Variants in ASTN2 observed in about 807,000 individuals in gnomAD.
The protein encoded by ASTN2 is astrotactin-2.
ASTN2 carries 54 observed loss-of-function variants against 139.8 expected under a neutral mutation model. That is an observed-to-expected ratio of 0.39 (90% confidence interval 0.31 to 0.48). The LOEUF is 0.48. Ranked by LOEUF, ASTN2 falls within the 20% of genes least tolerant of loss-of-function variation. The pLI is 0.95. For synonymous variants in ASTN2, 756 were observed against 719.5 expected (o/e 1.05, Z -0.81); for missense variants, 1,565 against 1,725.1 (o/e 0.91, Z 1.64).
At chr9:117,048,377 G>A (rs375647660) in intron 5 of ASTN2, among the ~76,000 whole-genome samples, 18 of 152,128 alleles carry the variant, frequency 1.2e-4, no homozygotes, top group African/African-American at 4.3e-4. Context: ...AAAATACTAT[G>A]GGCCTGAAGC....
chr9:116,708,554 C>T (rs764793120), intron 16 of ASTN2, among the ~76,000 whole-genome samples: 1 of 152,120 alleles, frequency 6.6e-6, no homozygotes, highest in Non-Finnish European at 1.5e-5. Context: ...CTGATCACAT[C>T]ATCCTCCAAG....
chr9:117,129,503 CTTCTT>C (rs1483398492), intron 4 of ASTN2, among the ~76,000 whole-genome samples: 1 of 152,158 alleles, frequency 6.6e-6, no homozygotes, highest in Admixed American at 6.5e-5. Context: ...GAATTTCTCT[CTTCTT>C]AAGAAAATTT....
In ASTN2 at chr9:117,096,053, G is replaced by A. The variant is rs949313564; in HGVS notation, c.1267C>T (p.Arg423Cys). Reference protein sequence around the residue: ...FYTEQYRSRRRSKGLLKSPVN... With the variant: ...FYTEQYRSRRCSKGLLKSPVN... ...CCAAGGACACTATTACCTTTGCTGCGGCGGCGACTGCGGTACTGCTCCGTG... is the reference window on the plus strand; with the variant it reads ...CCAAGGACACTATTACCTTTGCTGCAGCGGCGACTGCGGTACTGCTCCGTG... The change falls in exon 5 of 23, where the codon CGC becomes TGC. Residue 423 changes from arginine to cysteine, a missense_variant. Transcript: ENST00000313400. 17 of 1,613,616 alleles carry A rather than the reference G, an allele frequency of 1.1e-5. No individual in the cohort carries two copies. In the Middle Eastern group the frequency reaches 4.9e-4, roughly 47 times the overall value.
At chr9:116,496,016 G>A (rs539626357) in intron 19 of ASTN2, among the ~76,000 whole-genome samples, 58 of 152,142 alleles carry the variant, frequency 3.8e-4, no homozygotes, top group African/African-American at 1.2e-3. Flanking sequence ...TCCCCTTGTC[G>A]TTGTATGGCT....
At position 117,095,197 on chromosome 9, in the gene ASTN2, G is replaced by T. The variant is rs565549124; in HGVS notation, c.1276+847C>A. On this transcript the variant is annotated intron_variant, in intron 5 of 22. Coordinates refer to ENST00000313400, the MANE Select transcript of ASTN2 (RefSeq NM_001365068.1). ...TATCACTGGCATGGAATCCATGTTT[G>T]TACCCCAGGAGAGTCTCTTCCAAGA... is the stretch of plus-strand genomic sequence containing the variant. Among the ~76,000 whole-genome samples, 9 of 152,292 alleles carry T rather than the reference G, an allele frequency of 5.9e-5. No individual in the cohort carries two copies. The East Asian group carries it at 1.7e-3, about 29-fold the overall frequency.
At chr9:117,322,064 T>TCTCC (rs1230094087) in intron 1 of ASTN2, among the ~76,000 whole-genome samples, 8 of 152,082 alleles carry the variant, frequency 5.3e-5, no homozygotes, top group Admixed American at 5.2e-4. Flanking sequence ...TTTGGAATCT[T>TCTCC]CTCCCTCCCT....
chr9:116,936,719 C>A (rs1016553913), intron 10 of ASTN2, among the ~76,000 whole-genome samples: 1 of 152,200 alleles, frequency 6.6e-6, no homozygotes, highest in African/African-American at 2.4e-5. Context: ...AATCTTTTCA[C>A]CTTGTCTAAT....
chr9:117,199,611 T>G (rs1345960091), intron 3 of ASTN2, among the ~76,000 whole-genome samples: 2 of 151,580 alleles, frequency 1.3e-5, no homozygotes, highest in Non-Finnish European at 2.9e-5. Context: ...CTACATGGGT[T>G]CTTCTTTGAC....
chr9:116,698,898 C>G lies in ASTN2; in HGVS notation c.2806+26873G>C, dbSNP rs1409379744. 1.2e-6 allele frequency: 2 copies of G among 1,614,244 alleles called. No homozygotes were observed. The highest frequency in any genetic ancestry group is 1.7e-6 in the Non-Finnish European group (2 of 1,180,048). On this transcript the variant is annotated intron_variant, in intron 16 of 22. Transcript: ENST00000313400. The surrounding 1 kb of genome is among the most constrained non-coding windows in gnomAD (Gnocchi z 4.4). The stretch of plus-strand genomic sequence containing the variant: ...CTACGTGACCAGTCAAGGTGAAGTA[C>G]TAGTCGCTGACCGTGGTAACTATCG...
intron 4 of ASTN2, among the ~76,000 whole-genome samples, chr9:117,127,657 T>G (rs997713182): frequency 6.8e-6 from 1 of 147,910 alleles, no homozygotes; most frequent in Non-Finnish European, 1.5e-5. Context: ...AAGTTAGGGT[T>G]TTTTTTTTGT....
rs139843993 is a variant in ASTN2, at chr9:116,496,217, TGTGA to T, written c.3356-8721_3356-8718del. On this transcript the variant is annotated intron_variant, in intron 19 of 22. Transcript: ENST00000313400. ...TGCCTGTATCCCCTGCTGTAAACCC[TGTGA>T]GTAAGAGAATTTGTTCACTTAGAAT... Among the ~76,000 whole-genome samples the T allele has an allele frequency of 8.7e-3, 1,320 of 152,316 alleles. 25 individuals carry two copies. Among genetic ancestry groups the T allele is most frequent in the African/African-American group, 0.03 (1,259 of 41,560 alleles).
At position 116,439,679 on chromosome 9, in the gene ASTN2, C is replaced by A. The variant is rs113603239; in HGVS notation, c.3782+930G>T. ...ATTCCGTCAGGTAGTCTCTCTGCTC[C>A]AAATACCCATCCTTTTCCCCCACAA... On this transcript the variant is annotated intron_variant, in intron 22 of 22. Transcript: ENST00000313400. Among the ~76,000 whole-genome samples, 453 of 152,246 alleles carry A rather than the reference C, an allele frequency of 3.0e-3. 4 individuals carry two copies. The highest frequency in any genetic ancestry group is 0.01 in the African/African-American group (426 of 41,552).
intron 5 of ASTN2, among the ~76,000 whole-genome samples, chr9:117,054,261 T>C (rs573105987): frequency 1.3e-4 from 20 of 152,308 alleles, no homozygotes; most frequent in African/African-American, 4.3e-4. Context: ...CTGAAGGCTG[T>C]GCTAAGAGGA....
chr9:117,381,550 C>T (rs1056205505), intron 1 of ASTN2, among the ~76,000 whole-genome samples: 12 of 152,096 alleles, frequency 7.9e-5, no homozygotes, highest in African/African-American at 7.2e-5. Flanking sequence ...CCCATTTTCT[C>T]TCTTGCTCCT....
At chr9:117,055,718 G>C (rs1839039625) in intron 5 of ASTN2, among the ~76,000 whole-genome samples, 1 of 152,218 alleles carries the variant, frequency 6.6e-6, no homozygotes, top group Non-Finnish European at 1.5e-5. Context: ...CATGTCACCT[G>C]AAATGAAAGA....
chr9:117,128,928 A>C (rs1829765833), intron 4 of ASTN2, among the ~76,000 whole-genome samples: 1 of 152,184 alleles, frequency 6.6e-6, no homozygotes. Context: ...CATGAGACTT[A>C]TTCGCTCCCA....
chr9:116,836,186 C>G lies in ASTN2; in HGVS notation c.2041-15403G>C, dbSNP rs114461464. Reference sequence around the variant, plus strand: ...TAGGTATGTCTAGTCACTGTTCCCCCCTTAATCTCCACTAACACCACACTG... The same window carrying G: ...TAGGTATGTCTAGTCACTGTTCCCCGCTTAATCTCCACTAACACCACACTG... On this transcript the variant is annotated intron_variant, in intron 11 of 22. Coordinates refer to ENST00000313400, the MANE Select transcript of ASTN2 (RefSeq NM_001365068.1). Among the ~76,000 whole-genome samples the G allele has an allele frequency of 6.0e-3, 919 of 152,214 alleles. 7 individuals are homozygous for G. The highest frequency in any genetic ancestry group is 0.021 in the African/African-American group (863 of 41,536).
At chr9:116,534,781 C>A (rs1851535944) in intron 19 of ASTN2, among the ~76,000 whole-genome samples, 1 of 152,080 alleles carries the variant, frequency 6.6e-6, no homozygotes, top group East Asian at 1.9e-4. Flanking sequence ...TTACTTCCAA[C>A]TATGTGGTCA....
chr9:116,740,451 A>T (rs979952928), intron 13 of ASTN2, among the ~76,000 whole-genome samples: 1 of 152,138 alleles, frequency 6.6e-6, no homozygotes, highest in African/African-American at 2.4e-5. Flanking sequence ...CATCTGTAAC[A>T]TGGGGATAAT....
Sources: gnomAD v4.1 joint callset for allele counts (sites outside exome capture counted in the v4.1 genomes callset) on GRCh38, gnomAD v4.1.1 for gene constraint, Gnocchi (gnomAD v3.1) non-coding constraint, MANE v1.5 for transcripts, NCBI Gene and HGNC (gene_info 2026-07-23, HGNC 2026-07-21) for gene names.